Variants in CPED1 observed in about 807,000 individuals in gnomAD.
The protein encoded by CPED1 is cadherin like and PC-esterase domain containing 1.
Under a neutral mutation model 128.2 loss-of-function variants are expected in CPED1, and 114 were observed. That is an observed-to-expected ratio of 0.89 (90% confidence interval 0.76 to 1.04). The LOEUF (loss-of-function observed/expected upper bound fraction) is 1.04, where lower values mean the gene tolerates loss of function less well. Ranked by LOEUF, CPED1 falls within the 50% of genes least tolerant of loss-of-function variation. The pLI, the probability that CPED1 is intolerant of heterozygous loss-of-function variation, is 0.00. For synonymous variants in CPED1, 462 were observed against 426.7 expected (o/e 1.08, Z -1.02); for missense variants, 1,211 against 1,207.1 (o/e 1.00, Z -0.05).
In CPED1 at chr7:121,195,161, G is replaced by A. The variant is rs193075540; in HGVS notation, c.2056-41553G>A. ...TTTGTCCATTAATTCTTTCAAAATA[G>A]GAGATACAAATAGAAACATGTAAGA... is the stretch of plus-strand genomic sequence containing the variant. On this transcript the variant is annotated intron_variant, in intron 16 of 22. Coordinates refer to ENST00000310396, the MANE Select transcript of CPED1 (RefSeq NM_024913.5). The A allele has an allele frequency of 2.6e-5, 4 of 152,128 alleles. No homozygotes were observed. In the East Asian group the frequency reaches 5.8e-4, roughly 22 times the overall value. The allele number at this position is 152,128 out of a possible 1,614,324, so 9.4% of individuals were successfully genotyped here. A position where few individuals can be genotyped will look rare whatever the true frequency, so the allele number is the denominator to read the frequency against.
At position 121,295,681 on chromosome 7, in the gene CPED1, C is replaced by A; in HGVS notation, c.*29C>A. On this transcript the variant is annotated 3_prime_UTR_variant, in exon 23 of 23. Coordinates refer to ENST00000310396, the MANE Select transcript of CPED1 (RefSeq NM_024913.5). ...CCCTGCAGGAGAGCTGAATCTGGAG[C>A]TGGAGACGAGCTAGTCACCCGGACA... The A allele has an allele frequency of 6.3e-7, 1 of 1,594,936 alleles. No individual in the cohort carries two copies. The highest frequency in any genetic ancestry group is 8.6e-7 in the Non-Finnish European group (1 of 1,163,668).
intron 16 of CPED1, among the ~76,000 whole-genome samples, chr7:121,221,130 C>T (rs537800643): frequency 7.1e-4 from 108 of 152,166 alleles, no homozygotes; most frequent in Middle Eastern, 6.8e-3. Flanking sequence ...CCCCACCCGA[C>T]AGGCCCCTGT....
rs117706016 is a variant in CPED1, at chr7:120,996,259, A to G, written c.249+6389A>G. Among the ~76,000 whole-genome samples, 909 of 152,156 alleles carry G rather than the reference A, an allele frequency of 6.0e-3. 7 individuals are homozygous for G. The highest frequency in any genetic ancestry group is 0.01 in the Non-Finnish European group (710 of 68,000). On this transcript the variant is annotated intron_variant, in intron 2 of 22. Coordinates refer to ENST00000310396, the MANE Select transcript of CPED1 (RefSeq NM_024913.5). ...TGATCATGCCTCTGCACTCCAGCCT[A>G]GGTGACAGAGCAAGCTCCTGTCTCA... is the stretch of plus-strand genomic sequence containing the variant.
intron 5 of CPED1, among the ~76,000 whole-genome samples, chr7:121,070,482 T>C (rs1232808380): frequency 6.6e-6 from 1 of 152,092 alleles, no homozygotes; most frequent in African/African-American, 2.4e-5. Flanking sequence ...TCTCATCTCT[T>C]TAATATGACT....
rs145128194 is a variant in CPED1 at position 121,266,382 on chromosome 7, C to T, written c.2466C>T (p.Pro822=). The part of the protein sequence containing the change: ...GKTLISYSYY[P]QFWISPSLRP... ...CTTTGATCAGTTATTCCTACTATCC[C>T]CAGTTCTGGATAAGCCCTTCATTGA... Residue 822 remains proline, a synonymous_variant, in exon 19 of 23, where the codon CCC becomes CCT. Transcript: ENST00000310396. The T allele has an allele frequency of 5.0e-5, 80 of 1,613,072 alleles. No homozygotes were observed. Among genetic ancestry groups the T allele is most frequent in the Non-Finnish European group, 6.4e-5 (76 of 1,179,440 alleles).
intron 11 of CPED1, 40 bp downstream of exon 11, chr7:121,128,526 G>A: frequency 1.9e-6 from 2 of 1,036,980 alleles, no homozygotes; most frequent in Non-Finnish European, 1.5e-6. Flanking sequence ...TTGGTGACTG[G>A]GATTAGAGTA....
chr7:121,093,397 T>TACACACACACACACACAC (rs10526224), intron 5 of CPED1, among the ~76,000 whole-genome samples: 2,908 of 145,490 alleles, frequency 0.02, 100 homozygotes, highest in African/African-American at 0.067. Flanking sequence ...CCTTTTTCTG[T>TACACACACACACACACAC]ACACACACAC....
intron 5 of CPED1, among the ~76,000 whole-genome samples, chr7:121,068,270 C>T (rs533720067): frequency 6.6e-5 from 10 of 152,138 alleles, no homozygotes; most frequent in Admixed American, 6.6e-4. Flanking sequence ...AGTCTTTAAT[C>T]CATCTTCAAT....
intron 3 of CPED1, among the ~76,000 whole-genome samples, chr7:121,046,470 C>T (rs78190807): frequency 6.6e-6 from 1 of 152,014 alleles, no homozygotes; most frequent in Non-Finnish European, 1.5e-5. Context: ...GATGTTTTCA[C>T]TTCTTATCAT....
At chr7:121,164,653 G>A (rs1441612947) in intron 16 of CPED1, among the ~76,000 whole-genome samples, 2 of 152,134 alleles carry the variant, frequency 1.3e-5, no homozygotes, top group East Asian at 3.9e-4. Flanking sequence ...CTACCCCTAA[G>A]CTGATGCCTT....
chr7:121,232,569 T>TAA (rs1037109666), intron 16 of CPED1, among the ~76,000 whole-genome samples: 5 of 152,094 alleles, frequency 3.3e-5, no homozygotes, highest in African/African-American at 7.2e-5. Context: ...TCAGGTGGGC[T>TAA]AAGAGTGAAT....
chr7:121,028,993 A>G (rs1313933499), intron 3 of CPED1, among the ~76,000 whole-genome samples: 1 of 152,150 alleles, frequency 6.6e-6, no homozygotes, highest in African/African-American at 2.4e-5. Context: ...CTTTATTATT[A>G]TCAGAAACAC....
At chr7:121,157,338 G>A (rs536284165) in intron 16 of CPED1, among the ~76,000 whole-genome samples, 3 of 152,270 alleles carry the variant, frequency 2.0e-5, no homozygotes, top group South Asian at 4.2e-4. Flanking sequence ...TAGTGACGGG[G>A]GCAGTCATAA....
chr7:121,124,604 A>C (rs1037105793), intron 8 of CPED1, 131 bp downstream of exon 8: 2 of 590,140 alleles, frequency 3.4e-6, no homozygotes, highest in African/African-American at 3.8e-5. Context: ...GTCAATATAC[A>C]AACATGATCT....
chr7:121,058,445 TAAATG>T (rs1793559264), intron 4 of CPED1, among the ~76,000 whole-genome samples: 1 of 152,134 alleles, frequency 6.6e-6, no homozygotes, highest in Non-Finnish European at 1.5e-5. Flanking sequence ...TTTAAAGGTA[TAAATG>T]ACAAATAATA....
rs1554433495 is a variant in CPED1, at chr7:121,093,397, T to TATACACAC, written c.617-4301_617-4300insTACACACA. Reference sequence around the variant, plus strand: ...AAGCTAATATTGCTCCCTTTTTCTGTACACACACACACACACACACACACA... The same window carrying TATACACAC: ...AAGCTAATATTGCTCCCTTTTTCTGTATACACACACACACACACACACACACACACACA... On this transcript the variant is annotated intron_variant, in intron 5 of 22. Coordinates refer to ENST00000310396, the MANE Select transcript of CPED1 (RefSeq NM_024913.5). Among the ~76,000 whole-genome samples, 310 of 145,562 alleles carry TATACACAC rather than the reference T, an allele frequency of 2.1e-3. 4 individuals are homozygous for TATACACAC. The highest frequency in any genetic ancestry group is 5.9e-3 in the African/African-American group (230 of 39,160).
intron 7 of CPED1, among the ~76,000 whole-genome samples, chr7:121,110,694 G>A (rs943928648): frequency 6.6e-6 from 1 of 152,186 alleles, no homozygotes; most frequent in African/African-American, 2.4e-5. Context: ...GGAAAGGTAA[G>A]AAATTGAATT....
intron 19 of CPED1, 91 bp from the exon 20 acceptor site, chr7:121,266,616 T>C (rs1792130106): frequency 2.5e-6 from 3 of 1,191,792 alleles, no homozygotes; most frequent in Non-Finnish European, 3.7e-6. Context: ...ATGATCAAGA[T>C]GCCAGATACA....
intron 4 of CPED1, among the ~76,000 whole-genome samples, chr7:121,048,962 A>C (rs1260285545): frequency 6.7e-6 from 1 of 149,000 alleles, no homozygotes; most frequent in African/African-American, 2.4e-5. Context: ...TTTCTGAAGC[A>C]AATATTTTAC....
Sources: allele counts gnomAD v4.1 joint callset (sites outside exome capture counted in the v4.1 genomes callset), GRCh38; gene constraint gnomAD v4.1.1; transcripts MANE v1.5; gene names NCBI Gene and HGNC (gene_info 2026-07-23, HGNC 2026-07-21).